DGKI: variants seen among roughly 807,000 people sequenced by gnomAD.
The protein encoded by DGKI is diacylglycerol kinase iota.
A neutral mutation model predicts 147.5 loss-of-function variants in DGKI; 55 were observed. That is an observed-to-expected ratio of 0.37 (90% CI 0.30 to 0.47). The LOEUF (loss-of-function observed/expected upper bound fraction) is 0.47. Ranked by LOEUF, DGKI falls within the 20% of genes least tolerant of loss-of-function variation. DGKI has a pLI of 1.00. For synonymous variants in DGKI, 469 were observed against 477.1 expected (o/e 0.98, Z 0.22); for missense variants, 1,007 against 1,323.8 (o/e 0.76, Z 3.71).
intron 12 of DGKI, among the ~76,000 whole-genome samples, chr7:137,588,029 T>C (rs1819470497): frequency 6.6e-6 from 1 of 152,164 alleles, no homozygotes; most frequent in Non-Finnish European, 1.5e-5. Flanking sequence ...ACTAAAATAG[T>C]GTTTCGCAGG....
At chr7:137,752,755 G>T (rs1162716945) in intron 1 of DGKI, among the ~76,000 whole-genome samples, 1 of 152,136 alleles carries the variant, frequency 6.6e-6, no homozygotes, top group Admixed American at 6.5e-5. Context: ...AAAAGGAACA[G>T]GAATCGCTCA....
chr7:137,588,826 T>G lies in DGKI; in HGVS notation c.1312-1616A>C, dbSNP rs993951865. Among the ~76,000 whole-genome samples the G allele has an allele frequency of 3.9e-5, 6 of 152,166 alleles. No homozygotes were observed. In the South Asian group the frequency reaches 6.2e-4, roughly 16 times the overall value. The stretch of plus-strand genomic sequence containing the variant: ...TGCCTGAGCAAAGTCCTTTAATGAA[T>G]TATTGTATTAAACTTTAAAACATTA... On this transcript the variant is annotated intron_variant, in intron 12 of 32. Transcript: ENST00000614521.
intron 30 of DGKI, among the ~76,000 whole-genome samples, chr7:137,403,491 C>T (rs558439162): frequency 2.1e-4 from 32 of 152,166 alleles, no homozygotes; most frequent in Admixed American, 3.9e-4. Flanking sequence ...TTGATGGTGG[C>T]GGCCCACACT....
intron 14 of DGKI, among the ~76,000 whole-genome samples, chr7:137,582,965 A>C (rs927210046): frequency 6.6e-5 from 10 of 152,254 alleles, no homozygotes; most frequent in Non-Finnish European, 7.4e-5. Flanking sequence ...CTGAGAGATA[A>C]GTGTTTTAAC....
rs116455727 is a variant in DGKI, at chr7:137,730,686, G to C, written c.402-40684C>G. Among the ~76,000 whole-genome samples the C allele has an allele frequency of 3.0e-3, 456 of 152,092 alleles. 3 individuals are homozygous for C. The highest frequency in any genetic ancestry group is 0.011 in the African/African-American group (440 of 41,504). On this transcript the variant is annotated intron_variant, in intron 1 of 32. Transcript: ENST00000614521. ...ACATACATATGCATGCATGAAACCAGCCAGACAAGATAATGAACACATCCA... is the reference window on the plus strand; with the variant it reads ...ACATACATATGCATGCATGAAACCACCCAGACAAGATAATGAACACATCCA...
chr7:137,821,661 AAG>A (rs1387375090), intron 1 of DGKI, among the ~76,000 whole-genome samples: 4 of 151,266 alleles, frequency 2.6e-5, no homozygotes, highest in African/African-American at 9.8e-5. Context: ...AAAAAAAAAA[AAG>A]AAAGAAAGAA....
Position 137,480,596 on chromosome 7 carries a change from GTT to G in DGKI, c.2373+4776_2373+4777del, listed in dbSNP as rs67866265. ...TAGACTCCGATCTGACCAAGAGGTT[GTT>G]TTTTTTTTTCTTATGAAAGTGAAAG... On this transcript the variant is annotated intron_variant, in intron 23 of 32. Transcript: ENST00000614521. 3.4e-5 allele frequency among the ~76,000 whole-genome samples: 5 copies of G among 148,390 alleles called. No homozygotes were observed. The Middle Eastern group carries it at 0.011, about 314-fold the overall frequency.
intron 6 of DGKI, 51 bp from the exon 7 acceptor site, chr7:137,623,605 C>T (rs372676012): frequency 1.1e-5 from 17 of 1,517,652 alleles, no homozygotes; most frequent in African/African-American, 2.7e-5. Flanking sequence ...TCAGTTACAG[C>T]GCACATTTGC....
intron 2 of DGKI, among the ~76,000 whole-genome samples, chr7:137,685,516 G>GAC (rs1585369645): frequency 6.6e-6 from 1 of 152,202 alleles, no homozygotes; most frequent in East Asian, 1.9e-4. Flanking sequence ...TTTAAAAGAA[G>GAC]ATACACATTA....
At chr7:137,737,204 C>CAAAAAAAAAAAA (rs763572711) in intron 1 of DGKI, among the ~76,000 whole-genome samples, 13 of 83,494 alleles carry the variant, frequency 1.6e-4, no homozygotes, top group East Asian at 3.3e-4. Context: ...CTCATTTCAC[C>CAAAAAAAAAAAA]AAAAAAAAAA....
At chr7:137,533,465 G>C (rs1273017981) in intron 20 of DGKI, among the ~76,000 whole-genome samples, 1 of 152,052 alleles carries the variant, frequency 6.6e-6, no homozygotes, top group African/African-American at 2.4e-5. Flanking sequence ...GAGTGCCTTT[G>C]CTTGTTCCAT....
intron 1 of DGKI, among the ~76,000 whole-genome samples, chr7:137,743,174 A>G (rs931929729): frequency 6.6e-6 from 1 of 152,244 alleles, no homozygotes; most frequent in Non-Finnish European, 1.5e-5. Context: ...CAGACACACG[A>G]TAACAGTAGG....
chr7:137,417,084 A>C (rs1812388671), intron 28 of DGKI, among the ~76,000 whole-genome samples: 1 of 152,166 alleles, frequency 6.6e-6, no homozygotes, highest in African/African-American at 2.4e-5. Context: ...TGAAGGATTG[A>C]GCTTAAAAAC....
At chr7:137,449,795 G>T (rs1813879773) in intron 27 of DGKI, among the ~76,000 whole-genome samples, 1 of 152,214 alleles carries the variant, frequency 6.6e-6, no homozygotes, top group South Asian at 2.1e-4. Flanking sequence ...AGTATTAAAA[G>T]AATGTGAAAC....
In DGKI at chr7:137,619,875, A is replaced by G; in HGVS notation, c.942T>C (p.His314=). Residue 314 remains histidine (H), a synonymous_variant, in exon 8 of 33, where the codon CAT becomes CAC. Transcript: ENST00000614521. The stretch of plus-strand genomic sequence containing the variant: ...AAGTGGGCGGGACAATAACAGCAGC[A>G]TGAGCCCCCAGGGAGCAGGGTTCTT... ...HIEEPCSLGA[H]AAVIVPPTWI... is the part of the protein sequence containing the mutation. 1 of 1,614,110 alleles carries G rather than the reference A, an allele frequency of 6.2e-7. No homozygotes were observed. The highest frequency in any genetic ancestry group is 8.5e-7 in the Non-Finnish European group (1 of 1,180,000).
intron 6 of DGKI, among the ~76,000 whole-genome samples, chr7:137,636,685 G>A (rs1488578807): frequency 2.0e-5 from 3 of 152,178 alleles, no homozygotes; most frequent in African/African-American, 7.2e-5. Context: ...AGAATCTCCT[G>A]CTGAAATTTG....
chr7:137,607,876 T>G (rs554534820), intron 10 of DGKI, among the ~76,000 whole-genome samples: 1 of 152,236 alleles, frequency 6.6e-6, no homozygotes, highest in East Asian at 1.9e-4. Context: ...ATGGTTTCTT[T>G]GCTTACACAA....
Position 137,697,799 on chromosome 7 carries a change from T to G in DGKI, c.402-7797A>C, listed in dbSNP as rs144085616. Reference sequence around the variant, plus strand: ...GGAGACTAATTAGAATATGCTCCAGTAAAATAACATCTTAAAAAATAAAAC... The same window carrying G: ...GGAGACTAATTAGAATATGCTCCAGGAAAATAACATCTTAAAAAATAAAAC... On this transcript the variant is annotated intron_variant, in intron 1 of 32. Coordinates refer to ENST00000614521, the MANE Select transcript of DGKI (RefSeq NM_001321708.2). Among the ~76,000 whole-genome samples, 1,351 of 152,190 alleles carry G rather than the reference T, an allele frequency of 8.9e-3. 20 individuals are homozygous for G. Among genetic ancestry groups the G allele is most frequent in the African/African-American group, 0.028 (1,184 of 41,544 alleles).
intron 20 of DGKI, among the ~76,000 whole-genome samples, chr7:137,546,843 C>T (rs1817884282): frequency 6.6e-6 from 1 of 152,210 alleles, no homozygotes; most frequent in Non-Finnish European, 1.5e-5. Flanking sequence ...GTAACTCCAG[C>T]CCAAGACTCT....
Sources: gnomAD v4.1 joint callset for allele counts (sites outside exome capture counted in the v4.1 genomes callset) on GRCh38, gnomAD v4.1.1 for gene constraint, MANE v1.5 for transcripts, NCBI Gene and HGNC (gene_info 2026-07-23, HGNC 2026-07-21) for gene names.